The following THSD1 variants were observed in gnomAD, a reference collection of about 807,000 sequenced individuals.
THSD1 encodes the protein thrombospondin type 1 domain containing 1, also known as thrombospondin type-1 domain-containing protein 1.
THSD1 carries 34 observed loss-of-function variants against 46.3 expected under a neutral mutation model. The observed-to-expected ratio is 0.74, with a 90% confidence interval of 0.56 to 0.98. The LOEUF (loss-of-function observed/expected upper bound fraction) is 0.98, where lower values mean the gene tolerates loss of function less well. Ranked by LOEUF, THSD1 falls within the 50% of genes least tolerant of loss-of-function variation. The pLI is 0.00. For missense variants in THSD1, 1,023 were observed against 1,058.3 expected (o/e 0.97, Z 0.46); for synonymous variants, 407 against 416.5 (o/e 0.98, Z 0.28).
At position 52,378,697 on chromosome 13, in the gene THSD1, A is replaced by T. The variant is rs1957664123; in HGVS notation, c.1273T>A (p.Phe425Ile). 6.2e-7 allele frequency: 1 copy of T among 1,613,922 alleles called. No homozygotes were observed. The highest frequency in any genetic ancestry group is 8.5e-7 in the Non-Finnish European group (1 of 1,180,024). ...VTVTGISLCLFIIIATVLITL... is the reference protein window; with the variant it reads ...VTVTGISLCLIIIIATVLITL... Reference sequence around the variant, plus strand: ...ATGAGCACAGTGGCAATGATGATGAACAAGCACAAGGATATACCAGTGACA... The same window carrying T: ...ATGAGCACAGTGGCAATGATGATGATCAAGCACAAGGATATACCAGTGACA... Residue 425 changes from phenylalanine (F) to isoleucine (I), a missense_variant, in exon 5 of 5, where the codon TTC becomes ATC. Physicochemically the swap from Phe to Ile is conservative, Grantham distance 21. Transcript: ENST00000258613.
intron 2 of THSD1, among the ~76,000 whole-genome samples, chr13:52,401,182 C>T (rs1957856749): frequency 6.6e-6 from 1 of 152,152 alleles, no homozygotes; most frequent in Admixed American, 6.5e-5. Flanking sequence ...ACCATGTTGG[C>T]CAGGATGGTC....
chr13:52,378,867 T>C (rs1248700207), intron 4 of THSD1, 78 bp from the exon 5 acceptor site: 19 of 1,308,186 alleles, frequency 1.5e-5, no homozygotes, highest in Middle Eastern at 2.8e-4. Context: ...TCTTTTCTTT[T>C]TTTTTTTTTT....
intron 2 of THSD1, among the ~76,000 whole-genome samples, chr13:52,398,977 TACC>T (rs1292136378): frequency 6.6e-6 from 1 of 152,224 alleles, no homozygotes; most frequent in Non-Finnish European, 1.5e-5. Flanking sequence ...GGGGAATTTT[TACC>T]AATAAAGGAA....
chr13:52,405,425 T>C (rs1054922687), intron 1 of THSD1, among the ~76,000 whole-genome samples: 3 of 152,236 alleles, frequency 2.0e-5, no homozygotes, highest in African/African-American at 7.2e-5. Context: ...TGTGTGTATA[T>C]ATACCAATAG....
In THSD1 at chr13:52,402,582, C is replaced by G. The variant is rs763095081; in HGVS notation, c.19G>C (p.Asp7His). 2.5e-6 allele frequency: 4 copies of G among 1,613,868 alleles called. No individual in the cohort carries two copies. In the South Asian group the frequency reaches 4.4e-5, roughly 18 times the overall value. ...ACCACCAACAATAGATTTGAAAAGTCTTTCAACATTGGTTTCATTCTGATT... is the reference window on the plus strand; with the variant it reads ...ACCACCAACAATAGATTTGAAAAGTGTTTCAACATTGGTTTCATTCTGATT... MKPMLKDFSNLLLVVLC... is the reference protein window; with the variant it reads MKPMLKHFSNLLLVVLC... The change falls in exon 2 of 5, where the codon GAC (aspartate) becomes CAC (histidine). Residue 7 changes from aspartate to histidine, a missense_variant. Physicochemically the swap from Asp to His is moderately conservative, Grantham distance 81 (BLOSUM62 -1). Around this residue, in one of 3 missense-constraint regions of THSD1, gnomAD observed 429 missense variants for 518.3 expected, o/e 0.83. Transcript: ENST00000258613.
chr13:52,380,033 A>C (rs1402445076), intron 4 of THSD1, among the ~76,000 whole-genome samples: 1 of 151,712 alleles, frequency 6.6e-6, no homozygotes, highest in East Asian at 1.9e-4. Context: ...AAGCCTCTGC[A>C]TTCTCTCTCT....
chr13:52,402,763 A>G (rs1435549694), intron 1 of THSD1, 82 bp from the exon 2 acceptor site: 1 of 1,409,854 alleles, frequency 7.1e-7, no homozygotes, highest in Non-Finnish European at 9.2e-7. Flanking sequence ...AAACCATTCT[A>G]AAACTCAAAC....
chr13:52,392,941 CAAGAGATGGGTGGCACAAAATGAAACAGT>C (rs367987581), intron 3 of THSD1, among the ~76,000 whole-genome samples: 24 of 151,834 alleles, frequency 1.6e-4, no homozygotes, highest in African/African-American at 5.8e-4. Context: ...ACGGGTGTTC[CAAGAGATGGGTGGCACAAAATGAAACAGT>C]AAGTTAAGGA....
In THSD1 at chr13:52,378,617, G is replaced by T; in HGVS notation, c.1353C>A (p.His451Gln). The change falls in exon 5 of 5, where the codon CAC becomes CAA. Residue 451 changes from histidine to glutamine, a missense_variant. This residue lies in a region of THSD1 where 578 missense variants were observed against 497.4 expected (regional missense o/e 1.16). Coordinates refer to ENST00000258613, the MANE Select transcript of THSD1 (RefSeq NM_018676.4). Reference protein sequence around the residue: ...RPAKCSTPARHNSIHSPSFRK... With the variant: ...RPAKCSTPARQNSIHSPSFRK... ...GGAAGCTGGGGGAGTGGATGGAGTT[G>T]TGTCGAGCAGGTGTGCTGCACTTGG... 1 of 1,614,128 alleles carries T rather than the reference G, an allele frequency of 6.2e-7. No individual in the cohort carries two copies. Among genetic ancestry groups the T allele is most frequent in the South Asian group, 1.1e-5 (1 of 91,082 alleles).
chr13:52,404,249 A>G (rs1957890034), intron 1 of THSD1, among the ~76,000 whole-genome samples: 1 of 152,198 alleles, frequency 6.6e-6, no homozygotes, highest in South Asian at 2.1e-4. Context: ...CCCAGCCCAC[A>G]GTTAATCATT....
In THSD1 at chr13:52,388,592, A is replaced by T. The variant is rs1049676045; in HGVS notation, c.1022-2406T>A. ...CCGCCTGGGTTCAAGCGATTCTCCTACCTCAGCCTCCCGAGTAGCTGGAAT... is the reference window on the plus strand; with the variant it reads ...CCGCCTGGGTTCAAGCGATTCTCCTTCCTCAGCCTCCCGAGTAGCTGGAAT... On this transcript the variant is annotated intron_variant, in intron 3 of 4. Transcript: ENST00000258613. Among the ~76,000 whole-genome samples the T allele has an allele frequency of 2.6e-5, 4 of 151,890 alleles. No individual in the cohort carries two copies. In the South Asian group the frequency reaches 8.3e-4, roughly 32 times the overall value.
chr13:52,399,152 A>G (rs938071289), intron 2 of THSD1, among the ~76,000 whole-genome samples: 2 of 152,234 alleles, frequency 1.3e-5, no homozygotes, highest in Non-Finnish European at 2.9e-5. Context: ...ATTTGCCTAA[A>G]TAGGACAGAT....
intron 4 of THSD1, chr13:52,384,184 C>CAAAAAAA (rs754288122): frequency 1.4e-4 from 22 of 162,642 alleles, no homozygotes; most frequent in African/African-American, 1.9e-4. Context: ...AACTCCGTCT[C>CAAAAAAA]AAAAAAAAAA....
chr13:52,378,269 G>A lies in THSD1; in HGVS notation c.1701C>T (p.Ala567=), dbSNP rs1426682215. ...SPLTDTAIDA[A]PSAPLDLESP... is the part of the protein sequence containing the mutation. ...TTTCCAAATCTAAGGGAGCGCTGGG[G>A]GCCGCATCAATGGCAGTGTCTGTCA... Residue 567 remains alanine (A), a synonymous_variant, in exon 5 of 5, where the codon GCC becomes GCT. Coordinates refer to ENST00000258613, the MANE Select transcript of THSD1 (RefSeq NM_018676.4). 6.8e-6 allele frequency: 11 copies of A among 1,614,200 alleles called. No homozygotes were observed. The highest frequency in any genetic ancestry group is 9.3e-6 in the Non-Finnish European group (11 of 1,180,046).
At chr13:52,399,378 AG>A (rs143879278) in intron 2 of THSD1, among the ~76,000 whole-genome samples, 1,776 of 152,334 alleles carry the variant, frequency 0.012, 23 homozygotes, top group African/African-American at 0.033. Context: ...TCTAGATGTA[AG>A]GGATTGAAGT....
chr13:52,394,105 C>G (rs1041326005), intron 3 of THSD1, among the ~76,000 whole-genome samples: 2 of 152,164 alleles, frequency 1.3e-5, no homozygotes, highest in African/African-American at 2.4e-5. Context: ...CCTTTTCCAG[C>G]GTCTTCCTGC....
chr13:52,403,488 T>G (rs142090400), intron 1 of THSD1, among the ~76,000 whole-genome samples: 2 of 152,160 alleles, frequency 1.3e-5, no homozygotes, highest in Non-Finnish European at 2.9e-5. Context: ...TTTTATTTTA[T>G]TTATTTATTT....
intron 4 of THSD1, among the ~76,000 whole-genome samples, chr13:52,383,879 C>A (rs1032317875): frequency 6.6e-6 from 1 of 152,182 alleles, no homozygotes; most frequent in Non-Finnish European, 1.5e-5. Context: ...TTAGAATGCA[C>A]AAATTTCCAG....
intron 2 of THSD1, chr13:52,398,419 G>T: frequency 1.5e-6 from 1 of 664,440 alleles, no homozygotes; most frequent in Non-Finnish European, 1.9e-6. Flanking sequence ...ACAGGCACAT[G>T]CCACCACACC....
Sources: gnomAD v4.1 joint callset for allele counts (sites outside exome capture counted in the v4.1 genomes callset) on GRCh38, gnomAD v4.1.1 for gene constraint, gnomAD v4.1.1 regional missense constraint, MANE v1.5 for transcripts, NCBI Gene and HGNC (gene_info 2026-07-23, HGNC 2026-07-21) for gene names.